The following MIGA1 variants were observed in gnomAD, a reference collection of about 807,000 sequenced individuals.
MIGA1 encodes family with sequence similarity 73, member A.
A neutral mutation model predicts 82.0 loss-of-function variants in MIGA1; 58 were observed. That is an observed-to-expected ratio of 0.71 (90% CI 0.57 to 0.88). The LOEUF is 0.88. MIGA1 is among the 40% of genes least tolerant of loss of function. MIGA1 has a pLI of 0.00. For synonymous variants in MIGA1, 249 were observed against 253.6 expected, an observed-to-expected ratio of 0.98 and a Z score of 0.17; for missense variants, 751 against 749.1, an observed-to-expected ratio of 1.00 and a Z score of -0.03.
chr1:77,830,839 C>G (rs1684215506), intron 7 of MIGA1, among the ~76,000 whole-genome samples: 1 of 152,034 alleles, frequency 6.6e-6, no homozygotes, highest in East Asian at 1.9e-4. Flanking sequence ...TGCTGTGTAC[C>G]TGACACAGCA....
At chr1:77,847,330 A>G (rs1684880862) in intron 8 of MIGA1, 3 of 926,034 alleles carry the variant, frequency 3.2e-6, no homozygotes, top group Non-Finnish European at 5.4e-6. Context: ...GTGTATGAAT[A>G]TGACAGTATT....
rs115018958 is a variant in MIGA1 at position 77,788,427 on chromosome 1, G to A, written c.195+5076G>A. ...TGCTGGGATTACAGGCATGAACCAC[G>A]GTGCCCAACCCTGTGAATTACTTTT... On this transcript the variant is annotated intron_variant, in intron 2 of 15. Transcript: ENST00000370791. Among the ~76,000 whole-genome samples, 1,111 of 152,204 alleles carry A rather than the reference G, an allele frequency of 7.3e-3. 16 individuals carry two copies. Among genetic ancestry groups the A allele is most frequent in the African/African-American group, 0.025 (1,035 of 41,524 alleles).
rs1187541902 is a variant in MIGA1, at chr1:77,859,357, A to G, written c.1159A>G (p.Lys387Glu). The change falls in exon 10 of 16, where the codon AAA becomes GAA. Residue 387 changes from lysine (K) to glutamate (E), a missense_variant. Around this residue, in one of 3 missense-constraint regions of MIGA1, gnomAD observed 265 missense variants for 293.6 expected, o/e 0.90. Coordinates refer to ENST00000370791, the MANE Select transcript of MIGA1 (RefSeq NM_198549.4). ...CCTAGGAGACAGTGATTTTCTTGCC[A>G]AACTTCACTGTATTCGACAGGCTTT... is the stretch of plus-strand genomic sequence containing the variant. The G allele has an allele frequency of 6.2e-7, 1 of 1,613,944 alleles. No homozygotes were observed.
intron 3 of MIGA1, among the ~76,000 whole-genome samples, chr1:77,802,697 A>G (rs1439699906): frequency 6.6e-6 from 1 of 151,812 alleles, no homozygotes; most frequent in Non-Finnish European, 1.5e-5. Context: ...TGGGAGGATC[A>G]CCTGACCCAG....
intron 8 of MIGA1, among the ~76,000 whole-genome samples, chr1:77,844,415 A>G (rs1684762673): frequency 2.0e-5 from 3 of 152,014 alleles, no homozygotes; most frequent in Non-Finnish European, 2.9e-5. Flanking sequence ...TGCGTGATAT[A>G]TAAGTATATA....
intron 7 of MIGA1, among the ~76,000 whole-genome samples, chr1:77,831,565 C>G (rs762482333): frequency 5.5e-4 from 84 of 152,106 alleles, no homozygotes; most frequent in Non-Finnish European, 1.1e-3. Context: ...ACCAATCTCT[C>G]ATGAGGAAAT....
intron 8 of MIGA1, among the ~76,000 whole-genome samples, chr1:77,858,689 G>T (rs955485545): frequency 6.6e-6 from 1 of 152,130 alleles, no homozygotes; most frequent in African/African-American, 2.4e-5. Context: ...TACAATCACA[G>T]CTCACTACAA....
intron 8 of MIGA1, among the ~76,000 whole-genome samples, chr1:77,851,955 C>T (rs1047455253): frequency 6.7e-6 from 1 of 148,390 alleles, no homozygotes; most frequent in Non-Finnish European, 1.5e-5. Flanking sequence ...CAGCTCACTG[C>T]AACCTTGCAA....
chr1:77,848,771 C>A, intron 8 of MIGA1: 1 of 1,337,416 alleles, frequency 7.5e-7, no homozygotes, highest in Non-Finnish European at 1.0e-6. Flanking sequence ...CAGGTTAATG[C>A]AAAGAGCTAT....
chr1:77,793,502 C>G (rs1056709860), intron 2 of MIGA1, among the ~76,000 whole-genome samples: 1 of 152,112 alleles, frequency 6.6e-6, no homozygotes, highest in African/African-American at 2.4e-5. Flanking sequence ...CTCTATCATC[C>G]AGACTGGAAT....
At position 77,807,039 on chromosome 1, in the gene MIGA1, A is replaced by G. The variant is rs1683125895; in HGVS notation, c.575A>G (p.Asp192Gly). ...AATTCTAATTCCTGGGACAAAGCAG[A>G]TGAAGATGATATTAAACTTGTTAAT... Residue 192 changes from aspartate (D) to glycine (G), a missense_variant, in exon 5 of 16, where the codon GAT becomes GGT. Coordinates refer to ENST00000370791, the MANE Select transcript of MIGA1 (RefSeq NM_198549.4). 6.2e-7 allele frequency: 1 copy of G among 1,607,284 alleles called. No individual in the cohort carries two copies. Among genetic ancestry groups the G allele is most frequent in the Non-Finnish European group, 8.5e-7 (1 of 1,174,054 alleles).
chr1:77,807,787 T>C (rs1683159692), intron 5 of MIGA1, among the ~76,000 whole-genome samples: 1 of 152,024 alleles, frequency 6.6e-6, no homozygotes, highest in African/African-American at 2.4e-5. Flanking sequence ...CGTGTCACAT[T>C]CTCCTCTGTG....
intron 2 of MIGA1, among the ~76,000 whole-genome samples, chr1:77,785,210 G>C (rs1452866147): frequency 1.3e-5 from 2 of 152,162 alleles, no homozygotes; most frequent in African/African-American, 4.8e-5. Context: ...AAAATCAAAA[G>C]CAAATTAGTT....
chr1:77,870,327 CG>C lies in MIGA1; in HGVS notation c.1564-2673del, dbSNP rs1219750404. 3.8e-3 allele frequency among the ~76,000 whole-genome samples: 370 copies of C among 97,008 alleles called. 1 individual carries two copies. Among genetic ancestry groups the C allele is most frequent in the Non-Finnish European group, 5.3e-3 (237 of 44,596 alleles). The allele number at this position is 97,008 out of a possible 152,430, so 63.6% of individuals were successfully genotyped here. Reference sequence around the variant, plus strand: ...ACGGAGGGGCTCCTCACTTCTCAGACGGGGCGGTTGCCAGGCAGAGGGTTTC... The same window carrying C: ...ACGGAGGGGCTCCTCACTTCTCAGACGGGCGGTTGCCAGGCAGAGGGTTTC... On this transcript the variant is annotated intron_variant, in intron 14 of 15. Coordinates refer to ENST00000370791, the MANE Select transcript of MIGA1 (RefSeq NM_198549.4).
rs1192324253 is a variant in MIGA1, at chr1:77,875,943, C to T, written c.*879C>T. 1 of 151,970 alleles carries T rather than the reference C, an allele frequency of 6.6e-6. No homozygotes were observed. Among genetic ancestry groups the T allele is most frequent in the Admixed American group, 6.6e-5 (1 of 15,234 alleles). The allele number at this position is 151,970 out of a possible 1,614,324, so 9.4% of individuals were successfully genotyped here. A position where few individuals can be genotyped will look rare whatever the true frequency, so the allele number is the denominator to read the frequency against. ...AGGTCAGGTGTTCGAGACCAGCCTC[C>T]CCAATATGGTGAAACCCCGTCTCTA... On this transcript the variant is annotated 3_prime_UTR_variant, in exon 16 of 16. Coordinates refer to ENST00000370791, the MANE Select transcript of MIGA1 (RefSeq NM_198549.4).
chr1:77,800,297 C>A (rs564480041), intron 2 of MIGA1, among the ~76,000 whole-genome samples: 1 of 152,290 alleles, frequency 6.6e-6, no homozygotes, highest in African/African-American at 2.4e-5. Context: ...TGTATTCTTT[C>A]TCCACCAGAT....
chr1:77,843,430 G>T (rs775795973), intron 8 of MIGA1, 23 bp downstream of exon 8: 4 of 1,561,546 alleles, frequency 2.6e-6, no homozygotes, highest in Non-Finnish European at 3.5e-6. Context: ...TGTTCCTAAT[G>T]AGGATTTCTG....
chr1:77,784,599 G>T (rs1327993267), intron 2 of MIGA1, among the ~76,000 whole-genome samples: 3 of 151,896 alleles, frequency 2.0e-5, no homozygotes, highest in African/African-American at 7.2e-5. Flanking sequence ...TCTACCAATA[G>T]TGCACAGTTT....
chr1:77,804,245 A>C (rs1177887954), intron 4 of MIGA1, among the ~76,000 whole-genome samples: 2 of 152,154 alleles, frequency 1.3e-5, no homozygotes, highest in African/African-American at 4.8e-5. Flanking sequence ...TTGAATCATT[A>C]ATACAGTATT....
Sources: gnomAD v4.1 joint callset for allele counts (sites outside exome capture counted in the v4.1 genomes callset) on GRCh38, gnomAD v4.1.1 for gene constraint, gnomAD v4.1.1 regional missense constraint, MANE v1.5 for transcripts, NCBI Gene and HGNC (gene_info 2026-07-23, HGNC 2026-07-21) for gene names.